The following ZNF366 variants were observed in gnomAD, a reference collection of about 807,000 sequenced individuals.
ZNF366 encodes the protein zinc finger protein 366.
In ZNF366, 20 loss-of-function variants were observed where a neutral mutation model predicts 47.2. The ratio of observed to expected loss-of-function variants is 0.42; its 90% CI spans 0.30 to 0.62. ZNF366 has a LOEUF of 0.62. Among genes scored for constraint, ZNF366 ranks in the 20% least tolerant of loss-of-function variants. ZNF366 has a pLI of 0.16. For missense variants in ZNF366, 987 were observed against 976.3 expected, an observed-to-expected ratio of 1.01 and a Z score of -0.15; for synonymous variants, 421 against 395.1, an observed-to-expected ratio of 1.07 and a Z score of -0.78.
chr5:72,479,346 TG>T (rs1419444472), intron 1 of ZNF366, among the ~76,000 whole-genome samples: 1 of 152,092 alleles, frequency 6.6e-6, no homozygotes, highest in Non-Finnish European at 1.5e-5. Context: ...GAGGATGGCT[TG>T]AGCCTAGGAG....
At chr5:72,482,746 TTGTG>T (rs3041122) in intron 1 of ZNF366, among the ~76,000 whole-genome samples, 492 of 141,068 alleles carry the variant, frequency 3.5e-3, no homozygotes, top group African/African-American at 9.4e-3. Context: ...CATTTCTATT[TTGTG>T]TGTGTGTGTG....
At position 72,444,268 on chromosome 5, in the gene ZNF366, G is replaced by A. The variant is rs765269897; in HGVS notation, c.1723C>T (p.Leu575=). The change falls in exon 5 of 5, where the codon CTG becomes TTG. Residue 575 remains leucine, a synonymous_variant. Transcript: ENST00000318442. The part of the protein sequence containing the change: ...SQGLGRGRIA[L]AQTAGVLRSL... Reference sequence around the variant, plus strand: ...CTCAGGACACCGGCTGTCTGTGCCAGGGCGATTCTCCCCCTTCCCAGACCT... The same window carrying A: ...CTCAGGACACCGGCTGTCTGTGCCAAGGCGATTCTCCCCCTTCCCAGACCT... 1.2e-6 allele frequency: 2 copies of A among 1,612,182 alleles called. No individual in the cohort carries two copies. The highest frequency in any genetic ancestry group is 4.5e-5 in the East Asian group (2 of 44,878).
In ZNF366 at chr5:72,494,034, G is replaced by A. The variant is rs1055288451; in HGVS notation, c.-15+13217C>T. Among the ~76,000 whole-genome samples the A allele has an allele frequency of 8.7e-5, 13 of 148,594 alleles. No individual in the cohort carries two copies. The South Asian group carries it at 2.6e-3, about 29-fold the overall frequency. On this transcript the variant is annotated intron_variant, in intron 1 of 4. Coordinates refer to ENST00000318442, the MANE Select transcript of ZNF366 (RefSeq NM_152625.3). ...GATCTGCCCACCTCAGCCTCCCAAAGTGCTGGGATTACAGGAGTGAGCCCC... is the reference window on the plus strand; with the variant it reads ...GATCTGCCCACCTCAGCCTCCCAAAATGCTGGGATTACAGGAGTGAGCCCC...
rs1377924338 is a variant in ZNF366, at chr5:72,441,853, C to G, written c.*1903G>C. On this transcript the variant is annotated 3_prime_UTR_variant, in exon 5 of 5. Transcript: ENST00000318442. ...AACAAGAAGTTTTTACATAAACAGA[C>G]ACAGTACCAGAGGGTTATTGCTATG... 6.6e-6 allele frequency: 1 copy of G among 152,164 alleles called. No homozygotes were observed. Among genetic ancestry groups the G allele is most frequent in the Non-Finnish European group, 1.5e-5 (1 of 68,038 alleles). The allele number at this position is 152,164 out of a possible 1,614,324, so 9.4% of individuals were successfully genotyped here.
intron 4 of ZNF366, among the ~76,000 whole-genome samples, chr5:72,446,817 G>C (rs574024800): frequency 1.3e-5 from 2 of 152,280 alleles, no homozygotes; most frequent in East Asian, 1.9e-4. Context: ...TACAATAAAG[G>C]CTGCACAGTC....
At chr5:72,494,640 A>G (rs1744076566) in intron 1 of ZNF366, among the ~76,000 whole-genome samples, 1 of 147,364 alleles carries the variant, frequency 6.8e-6, no homozygotes, top group Non-Finnish European at 1.5e-5. Context: ...CAGGAGGGCT[A>G]CTATCCATGA....
intron 1 of ZNF366, among the ~76,000 whole-genome samples, chr5:72,473,733 G>A (rs147539307): frequency 3.9e-5 from 6 of 152,176 alleles, no homozygotes; most frequent in South Asian, 2.1e-4. Flanking sequence ...ACTGATCCCC[G>A]GGTTAAATGT....
At chr5:72,483,786 G>A (rs1362934051) in intron 1 of ZNF366, among the ~76,000 whole-genome samples, 1 of 152,144 alleles carries the variant, frequency 6.6e-6, no homozygotes, top group Non-Finnish European at 1.5e-5. Flanking sequence ...GGAATGATGG[G>A]CCTGGGGCTT....
chr5:72,462,736 A>G (rs937763818), intron 1 of ZNF366, among the ~76,000 whole-genome samples: 10 of 151,690 alleles, frequency 6.6e-5, no homozygotes, highest in East Asian at 5.8e-4. Context: ...TTTTTAGTAG[A>G]GACGGGGTTT....
At chr5:72,477,741 C>T (rs1203962783) in intron 1 of ZNF366, among the ~76,000 whole-genome samples, 4 of 152,066 alleles carry the variant, frequency 2.6e-5, no homozygotes, top group Admixed American at 6.5e-5. Context: ...GGGATCAGAC[C>T]GTAAATATTT....
intron 1 of ZNF366, among the ~76,000 whole-genome samples, chr5:72,505,348 A>G (rs1344890820): frequency 1.3e-5 from 2 of 152,240 alleles, no homozygotes; most frequent in Non-Finnish European, 2.9e-5. Flanking sequence ...CCAGTATCCA[A>G]GAAATATTTT....
At chr5:72,507,129 A>G (rs1237950483) in intron 1 of ZNF366, 122 bp downstream of exon 1, 5 of 728,472 alleles carry the variant, frequency 6.9e-6, no homozygotes, top group African/African-American at 1.9e-5. Context: ...TGGGCCATCT[A>G]TCACTTATAC....
intron 1 of ZNF366, among the ~76,000 whole-genome samples, chr5:72,485,149 CTT>C (rs1371368435): frequency 6.6e-6 from 1 of 152,136 alleles, no homozygotes; most frequent in Non-Finnish European, 1.5e-5. Context: ...ATTGTATTCT[CTT>C]GATTAAATGC....
At position 72,458,012 on chromosome 5, in the gene ZNF366, CTTTTTTTTTT is replaced by C. The variant is rs1228705988; in HGVS notation, c.1333-1427_1333-1418del. ...TTTTAAATTTTATTTTAGCATCTTT[CTTTTTTTTTT>C]TTTTTTTTTTTTGAGACGGAATCTC... is the stretch of plus-strand genomic sequence containing the variant. On this transcript the variant is annotated intron_variant, in intron 2 of 4. Coordinates refer to ENST00000318442, the MANE Select transcript of ZNF366 (RefSeq NM_152625.3). Among the ~76,000 whole-genome samples the C allele has an allele frequency of 1.8e-4, 17 of 97,042 alleles. 1 individual carries two copies. Among genetic ancestry groups the C allele is most frequent in the Admixed American group, 8.8e-4 (8 of 9,086 alleles). 63.7% of individuals were successfully genotyped at this position (97,042 alleles called of 152,430 possible).
chr5:72,505,312 C>T (rs928771546), intron 1 of ZNF366, among the ~76,000 whole-genome samples: 7 of 152,156 alleles, frequency 4.6e-5, no homozygotes, highest in African/African-American at 1.4e-4. Context: ...GGCTTTTATT[C>T]TTCGGGTAGC....
intron 1 of ZNF366, among the ~76,000 whole-genome samples, chr5:72,481,381 G>A (rs1743787567): frequency 6.6e-6 from 1 of 151,500 alleles, no homozygotes; most frequent in South Asian, 2.1e-4. Flanking sequence ...TTAATATTTT[G>A]GTCCGTTTCT....
At position 72,444,282 on chromosome 5, in the gene ZNF366, C is replaced by A. The variant is rs750760731; in HGVS notation, c.1709G>T (p.Arg570Met). ...TGTCTGTGCCAGGGCGATTCTCCCC[C>A]TTCCCAGACCTGCAAGAGCAGAGTA... ...ERGLHSQGLGRGRIALAQTAG... is the reference protein window; with the variant it reads ...ERGLHSQGLGMGRIALAQTAG... Residue 570 changes from arginine to methionine, a missense_variant, in exon 5 of 5, where the codon AGG becomes ATG. Physicochemically the swap from Arg to Met is moderately conservative, Grantham distance 91. This residue lies in a region of ZNF366 where 285 missense variants were observed against 234.8 expected (regional missense o/e 1.21). Coordinates refer to ENST00000318442, the MANE Select transcript of ZNF366 (RefSeq NM_152625.3). The A allele has an allele frequency of 4.4e-6, 7 of 1,608,124 alleles. No individual in the cohort carries two copies. The highest frequency in any genetic ancestry group is 3.4e-5 in the Admixed American group (2 of 59,574).
At chr5:72,476,975 G>A (rs1743687095) in intron 1 of ZNF366, among the ~76,000 whole-genome samples, 2 of 151,896 alleles carry the variant, frequency 1.3e-5, no homozygotes, top group Admixed American at 1.3e-4. Flanking sequence ...ACCTCCATAT[G>A]CTGGTTGGAC....
intron 4 of ZNF366, among the ~76,000 whole-genome samples, chr5:72,445,052 T>A (rs1742932045): frequency 6.6e-6 from 1 of 152,208 alleles, no homozygotes; most frequent in Non-Finnish European, 1.5e-5. Flanking sequence ...CTGTGGCCCC[T>A]TTGCCAACAG....
Sources: gnomAD v4.1 joint callset for allele counts (sites outside exome capture counted in the v4.1 genomes callset) on GRCh38, gnomAD v4.1.1 for gene constraint, gnomAD v4.1.1 regional missense constraint, MANE v1.5 for transcripts, NCBI Gene and HGNC (gene_info 2026-07-23, HGNC 2026-07-21) for gene names.